The following ARHGAP10 variants were observed in gnomAD, a reference collection of about 807,000 sequenced individuals.
ARHGAP10 encodes the protein Rho GTPase activating protein 10, also known as rho GTPase-activating protein 10.
ARHGAP10 carries 87 observed loss-of-function variants against 108.6 expected under a neutral mutation model. That is an observed-to-expected ratio of 0.80 (90% CI 0.67 to 0.96). ARHGAP10 has a LOEUF of 0.96. ARHGAP10 is among the 40% of genes least tolerant of loss of function. The pLI, the probability that ARHGAP10 is intolerant of heterozygous loss-of-function variation, is 0.00. For missense variants in ARHGAP10, 939 were observed against 954.5 expected (o/e 0.98, Z 0.21); for synonymous variants, 347 against 341.1 (o/e 1.02, Z -0.19).
chr4:148,006,348 C>T (rs41320648), intron 18 of ARHGAP10, among the ~76,000 whole-genome samples: 5,355 of 152,312 alleles, frequency 0.035, 305 homozygotes, highest in African/African-American at 0.12. Context: ...GTGGGGAAAA[C>T]GGAGGCACCC....
At chr4:147,924,316 T>C (rs572796106) in intron 13 of ARHGAP10, among the ~76,000 whole-genome samples, 65 of 152,322 alleles carry the variant, frequency 4.3e-4, no homozygotes, top group African/African-American at 1.5e-3. Context: ...CTGTTACTAC[T>C]TTCCTGTTGT....
intron 3 of ARHGAP10, among the ~76,000 whole-genome samples, chr4:147,843,118 C>T (rs1217106609): frequency 4.6e-5 from 7 of 152,168 alleles, no homozygotes; most frequent in Admixed American, 1.3e-4. Flanking sequence ...CTGGGCACCC[C>T]TTTTCTCCTT....
At chr4:147,739,186 CAAA>C (rs59965552) in intron 1 of ARHGAP10, among the ~76,000 whole-genome samples, 7 of 69,960 alleles carry the variant, frequency 1.0e-4, no homozygotes, top group Admixed American at 1.5e-4. Context: ...GACTCTGTCT[CAAA>C]AAAAAAAAAA....
chr4:147,791,498 A>G (rs1228577250), intron 1 of ARHGAP10, among the ~76,000 whole-genome samples: 2 of 152,114 alleles, frequency 1.3e-5, no homozygotes, highest in Non-Finnish European at 2.9e-5. Context: ...CCTAACATAT[A>G]GCATTCCATT....
chr4:147,975,038 G>T (rs1205212212), intron 18 of ARHGAP10, among the ~76,000 whole-genome samples: 1 of 152,210 alleles, frequency 6.6e-6, no homozygotes, highest in Non-Finnish European at 1.5e-5. Flanking sequence ...TGGGGACACA[G>T]CCAAACCATA....
intron 1 of ARHGAP10, among the ~76,000 whole-genome samples, chr4:147,778,354 C>T (rs1043908842): frequency 1.3e-5 from 2 of 152,092 alleles, no homozygotes; most frequent in African/African-American, 4.8e-5. Flanking sequence ...ATTGTGTTTA[C>T]AGTGTGCTAC....
rs1738378534 is a variant in ARHGAP10 at position 147,946,331 on chromosome 4, T to G, written c.1304-286T>G. 3 of 330,606 alleles carry G rather than the reference T, an allele frequency of 9.1e-6. No individual in the cohort carries two copies. The East Asian group carries it at 1.6e-4, about 18-fold the overall frequency. 20.5% of individuals were successfully genotyped at this position (330,606 alleles called of 1,614,324 possible). ...ATGATGATAATAGCTATACATGAAT[T>G]ACATTGTGGATGTTGAAATAATATA... On this transcript the variant is annotated intron_variant, in intron 14 of 22. Transcript: ENST00000336498.
chr4:147,789,406 C>T (rs1286455001), intron 1 of ARHGAP10, among the ~76,000 whole-genome samples: 2 of 152,214 alleles, frequency 1.3e-5, no homozygotes, highest in Admixed American at 6.5e-5. Context: ...TCTTGAGCTT[C>T]AGCCTCCTGG....
intron 20 of ARHGAP10, among the ~76,000 whole-genome samples, chr4:148,056,613 A>G (rs1729375083): frequency 6.6e-6 from 1 of 151,920 alleles, no homozygotes; most frequent in Admixed American, 6.6e-5. Context: ...GTTAAAAATA[A>G]TGAAATTAGT....
chr4:147,846,490 A>G (rs1021024163), intron 3 of ARHGAP10, among the ~76,000 whole-genome samples: 35 of 152,130 alleles, frequency 2.3e-4, no homozygotes, highest in African/African-American at 8.2e-4. Context: ...CATTTTCAGC[A>G]TTTTGTGGCT....
chr4:147,818,565 CA>C (rs5862813), intron 1 of ARHGAP10, among the ~76,000 whole-genome samples: 79,012 of 105,366 alleles, frequency 0.75, 28,728 homozygotes, highest in Middle Eastern at 0.86. Flanking sequence ...AAACTGTCAC[CA>C]AAAAAAAAAA....
chr4:147,974,563 C>T (rs1031164223), intron 18 of ARHGAP10, among the ~76,000 whole-genome samples: 3 of 152,226 alleles, frequency 2.0e-5, no homozygotes, highest in Non-Finnish European at 2.9e-5. Context: ...TTACATTGAT[C>T]TTATTGAGGG....
At chr4:147,948,762 CT>C (rs2126974592) in intron 15 of ARHGAP10, among the ~76,000 whole-genome samples, 1 of 151,974 alleles carries the variant, frequency 6.6e-6, no homozygotes, top group South Asian at 2.1e-4. Context: ...CAAGACCATC[CT>C]TGCTAACACG....
chr4:147,984,941 C>T (rs74544408), intron 18 of ARHGAP10, among the ~76,000 whole-genome samples: 8,105 of 152,230 alleles, frequency 0.053, 239 homozygotes, highest in African/African-American at 0.069. Flanking sequence ...ACAGGTCCCC[C>T]AATGGCAGGT....
intron 18 of ARHGAP10, among the ~76,000 whole-genome samples, chr4:148,002,195 G>T (rs967633409): frequency 7.9e-5 from 12 of 152,156 alleles, no homozygotes; most frequent in Admixed American, 3.9e-4. Flanking sequence ...CTTTGGTTCT[G>T]TTTATATGAT....
chr4:147,782,978 A>G (rs1437704546), intron 1 of ARHGAP10, among the ~76,000 whole-genome samples: 4 of 139,838 alleles, frequency 2.9e-5, no homozygotes, highest in African/African-American at 1.0e-4. Context: ...TAAATTATAT[A>G]TTATATAAAT....
intron 18 of ARHGAP10, among the ~76,000 whole-genome samples, chr4:148,012,924 G>GTT (rs560854784): frequency 0.025 from 3,529 of 138,914 alleles, 140 homozygotes; most frequent in African/African-American, 0.082. Context: ...TATCTGTCTG[G>GTT]TTTTTTTTTT....
chr4:147,951,922 C>T lies in ARHGAP10; in HGVS notation c.1392-3394C>T, dbSNP rs944158209. ...CATTATTACCCCCCAAAGTTTCCTC[C>T]TACCATTTGAAATCTCTCTCACACC... is the stretch of plus-strand genomic sequence containing the variant. On this transcript the variant is annotated intron_variant, in intron 15 of 22. Transcript: ENST00000336498. Among the ~76,000 whole-genome samples the T allele has an allele frequency of 7.2e-4, 109 of 152,158 alleles. 1 individual carries two copies. The highest frequency in any genetic ancestry group is 1.6e-4 in the Non-Finnish European group (11 of 68,024).
intron 18 of ARHGAP10, among the ~76,000 whole-genome samples, chr4:148,003,912 G>C (rs1740838859): frequency 6.6e-6 from 1 of 152,152 alleles, no homozygotes; most frequent in African/African-American, 2.4e-5. Flanking sequence ...AAATCAGCAA[G>C]TGAAGAACAC....
Sources: gnomAD v4.1 joint callset for allele counts (sites outside exome capture counted in the v4.1 genomes callset) on GRCh38, gnomAD v4.1.1 for gene constraint, MANE v1.5 for transcripts, NCBI Gene and HGNC (gene_info 2026-07-23, HGNC 2026-07-21) for gene names.